BRINP1: variants seen among roughly 807,000 people sequenced by gnomAD.
BRINP1 encodes the protein BMP/retinoic acid-inducible neural-specific protein 1.
Under a neutral mutation model 72.9 loss-of-function variants are expected in BRINP1, and 17 were observed. The ratio of observed to expected loss-of-function variants is 0.23; its 90% CI spans 0.16 to 0.35. The LOEUF is 0.35. Among genes scored for constraint, BRINP1 ranks in the 10% least tolerant of loss-of-function variants. The probability of loss-of-function intolerance (pLI) is 1.00; values close to 1 mark genes in which losing one functional copy is unlikely to be tolerated. For synonymous variants in BRINP1, 418 were observed against 378.5 expected, an observed-to-expected ratio of 1.10 and a Z score of -1.21; for missense variants, 850 against 1,001.6, an observed-to-expected ratio of 0.85 and a Z score of 2.04.
chr9:119,309,762 C>T (rs2118991492), intron 2 of BRINP1, among the ~76,000 whole-genome samples: 1 of 152,196 alleles, frequency 6.6e-6, no homozygotes, highest in East Asian at 1.9e-4. Context: ...ACTTTTTATG[C>T]CCTCTGTCCT....
intron 3 of BRINP1, among the ~76,000 whole-genome samples, chr9:119,248,749 C>T (rs1240340402): frequency 6.6e-6 from 1 of 152,206 alleles, no homozygotes; most frequent in Non-Finnish European, 1.5e-5. Flanking sequence ...TTAGTAAACT[C>T]TCAAATTAGA....
intron 2 of BRINP1, among the ~76,000 whole-genome samples, chr9:119,279,693 C>A (rs1588189053): frequency 6.6e-6 from 1 of 152,274 alleles, no homozygotes; most frequent in Admixed American, 6.5e-5. Context: ...GAAAATAAAT[C>A]ATAATTAGCA....
intron 2 of BRINP1, among the ~76,000 whole-genome samples, chr9:119,307,478 G>C (rs890919531): frequency 2.0e-5 from 3 of 152,102 alleles, no homozygotes; most frequent in African/African-American, 7.2e-5. Context: ...GAAATGAAAA[G>C]GGGAAAGAAG....
intron 1 of BRINP1, among the ~76,000 whole-genome samples, chr9:119,319,007 G>A (rs1418290900): frequency 3.3e-5 from 5 of 152,012 alleles, no homozygotes; most frequent in Admixed American, 3.3e-4. Context: ...CACAACTGAG[G>A]GGATGCTGCT....
At chr9:119,217,712 T>C (rs1829992750) in intron 5 of BRINP1, among the ~76,000 whole-genome samples, 1 of 152,210 alleles carries the variant, frequency 6.6e-6, no homozygotes, top group Admixed American at 6.5e-5. Context: ...GTAGCTTGTA[T>C]ACAGTCTTTG....
chr9:119,278,622 G>C (rs956438066), intron 2 of BRINP1, among the ~76,000 whole-genome samples: 2 of 152,204 alleles, frequency 1.3e-5, no homozygotes, highest in East Asian at 3.9e-4. Flanking sequence ...GGGCGCGGTG[G>C]CTCGCGCCTG....
At chr9:119,283,033 T>G (rs1271348507) in intron 2 of BRINP1, 1 of 985,336 alleles carries the variant, frequency 1.0e-6, no homozygotes, top group Non-Finnish European at 1.2e-6. Flanking sequence ...CAGAAATTGA[T>G]GACAGGACTT....
chr9:119,257,540 A>G (rs1830458017), intron 2 of BRINP1, among the ~76,000 whole-genome samples: 1 of 152,188 alleles, frequency 6.6e-6, no homozygotes, highest in Admixed American at 6.5e-5. Context: ...GCATTTGTTT[A>G]TTCCTGGGTG....
At chr9:119,340,678 C>T (rs565412541) in intron 1 of BRINP1, among the ~76,000 whole-genome samples, 44 of 152,260 alleles carry the variant, frequency 2.9e-4, no homozygotes, top group Admixed American at 2.3e-3. Flanking sequence ...CTCATTTTTA[C>T]GTCATTGAGT....
intron 2 of BRINP1, among the ~76,000 whole-genome samples, chr9:119,293,769 A>G (rs1830844480): frequency 6.6e-6 from 1 of 152,298 alleles, no homozygotes; most frequent in African/African-American, 2.4e-5. Context: ...AAAAAAAGAA[A>G]ACGAAGAAGA....
chr9:119,258,132 T>C (rs1285900870), intron 2 of BRINP1, among the ~76,000 whole-genome samples: 1 of 152,134 alleles, frequency 6.6e-6, no homozygotes, highest in Non-Finnish European at 1.5e-5. Context: ...TTGCCAAAGG[T>C]GTTCACTTAA....
At chr9:119,270,695 T>C (rs1830597729) in intron 2 of BRINP1, among the ~76,000 whole-genome samples, 2 of 152,206 alleles carry the variant, frequency 1.3e-5, no homozygotes, top group Non-Finnish European at 2.9e-5. Flanking sequence ...TACAGGTTTA[T>C]ACACAATATA....
chr9:119,252,081 C>G (rs189819276), intron 2 of BRINP1, among the ~76,000 whole-genome samples: 1 of 152,220 alleles, frequency 6.6e-6, no homozygotes, highest in Admixed American at 6.5e-5. Flanking sequence ...GTCTCTGTGT[C>G]CATCTTTTCT....
At chr9:119,256,487 C>T (rs1474464931) in intron 2 of BRINP1, among the ~76,000 whole-genome samples, 5 of 152,062 alleles carry the variant, frequency 3.3e-5, no homozygotes, top group South Asian at 2.1e-4. Context: ...TCTATTTTTT[C>T]GTATATGTGA....
At chr9:119,355,139 T>G (rs905036669) in intron 1 of BRINP1, among the ~76,000 whole-genome samples, 1 of 152,094 alleles carries the variant, frequency 6.6e-6, no homozygotes, top group African/African-American at 2.4e-5. Context: ...TAAAGAAATA[T>G]TAGAAAATAC....
chr9:119,210,913 T>C (rs1829916688), intron 6 of BRINP1, among the ~76,000 whole-genome samples: 1 of 152,114 alleles, frequency 6.6e-6, no homozygotes, highest in Non-Finnish European at 1.5e-5. Flanking sequence ...AAGTACTCGG[T>C]TGATGGTAGC....
Position 119,328,395 on chromosome 9 carries a change from G to A in BRINP1, c.-50-14990C>T, listed in dbSNP as rs188755826. Among the ~76,000 whole-genome samples, 369 of 152,246 alleles carry A rather than the reference G, an allele frequency of 2.4e-3. 3 individuals are homozygous for A. The highest frequency in any genetic ancestry group is 3.7e-3 in the Non-Finnish European group (251 of 68,014). The stretch of plus-strand genomic sequence containing the variant: ...CTTGGCTAAGATGGAAAAAGCAGAA[G>A]AGCAAATGGCTCTCCTTTCTCCCTA... On this transcript the variant is annotated intron_variant, in intron 1 of 7. Coordinates refer to ENST00000265922, the MANE Select transcript of BRINP1 (RefSeq NM_014618.3).
At chr9:119,261,591 C>A (rs1830495448) in intron 2 of BRINP1, among the ~76,000 whole-genome samples, 1 of 152,176 alleles carries the variant, frequency 6.6e-6, no homozygotes, top group Non-Finnish European at 1.5e-5. Context: ...TCCTCAGTTC[C>A]TCTTTTTTCC....
intron 7 of BRINP1, among the ~76,000 whole-genome samples, chr9:119,171,782 C>T (rs1174204971): frequency 1.7e-5 from 2 of 117,708 alleles, no homozygotes; most frequent in Non-Finnish European, 3.4e-5. Context: ...AACAAACTAT[C>T]TCTCAGACCA....
Sources: allele counts gnomAD v4.1 joint callset (sites outside exome capture counted in the v4.1 genomes callset), GRCh38; gene constraint gnomAD v4.1.1; transcripts MANE v1.5; gene names NCBI Gene and HGNC (gene_info 2026-07-23, HGNC 2026-07-21).